Variants in DMD observed in about 807,000 individuals in gnomAD.
The protein encoded by DMD is dystrophin, also known as mutant dystrophin.
Under a neutral mutation model 330.1 loss-of-function variants are expected in DMD, and 63 were observed. The ratio of observed to expected loss-of-function variants is 0.19; its 90% CI spans 0.16 to 0.24. The LOEUF is 0.24. Among genes scored for constraint, DMD ranks in the 10% least tolerant of loss-of-function variants. The pLI, the probability that DMD is intolerant of heterozygous loss-of-function variation, is 1.00. For synonymous variants in DMD, 1,223 were observed against 959.8 expected (o/e 1.27, Z -5.07); for missense variants, 3,344 against 2,684.1 (o/e 1.25, Z -5.43).
At chrX:32,372,892 T>C (rs989957988) in intron 34 of DMD, among the ~76,000 whole-genome samples, 3 of 111,244 alleles carry the variant, frequency 2.7e-5, no homozygotes, top group Non-Finnish European at 5.7e-5. Context: ...ACTTTTAAAA[T>C]ATATTCTTTT....
intron 45 of DMD, among the ~76,000 whole-genome samples, chrX:31,944,656 T>C (rs1302609690): frequency 9.8e-6 from 1 of 101,716 alleles, no homozygotes; most frequent in Non-Finnish European, 2.0e-5. Context: ...TGTTTTGTTT[T>C]GTTCTGCTTT....
chrX:32,669,458 T>C (rs2061502594), intron 9 of DMD, among the ~76,000 whole-genome samples: 2 of 111,949 alleles, frequency 1.8e-5, no homozygotes, highest in African/African-American at 6.5e-5. Context: ...TCCCTACAGA[T>C]AGATAGATCG....
chrX:32,566,747 T>C (rs1228933186), intron 15 of DMD, among the ~76,000 whole-genome samples: 1 of 111,946 alleles, frequency 8.9e-6, no homozygotes, highest in Non-Finnish European at 1.9e-5. Flanking sequence ...AGGGCAGTTT[T>C]TCTTTTACTT....
At chrX:31,243,207 A>G (rs1429682771) in intron 63 of DMD, among the ~76,000 whole-genome samples, 3 of 112,319 alleles carry the variant, frequency 2.7e-5, no homozygotes, top group African/African-American at 9.7e-5. Context: ...AGAGGCAGGA[A>G]GCAATCTTCC....
At chrX:32,316,810 T>A (rs2097584069) in intron 41 of DMD, among the ~76,000 whole-genome samples, 1 of 111,213 alleles carries the variant, frequency 9.0e-6, no homozygotes, top group Non-Finnish European at 1.9e-5. Context: ...TCTAGTTTGC[T>A]ATCTATTCCT....
At chrX:31,227,912 G>C (rs1436102283) in intron 63 of DMD, among the ~76,000 whole-genome samples, 1 of 109,802 alleles carries the variant, frequency 9.1e-6, no homozygotes, top group Non-Finnish European at 1.9e-5. Flanking sequence ...ATACACCATG[G>C]AATACTATGC....
intron 7 of DMD, among the ~76,000 whole-genome samples, chrX:32,738,168 G>C (rs1047309191): frequency 7.2e-5 from 8 of 111,747 alleles, no homozygotes; most frequent in Admixed American, 3.8e-4. Context: ...TTAGAAGTTT[G>C]AACATTTTCT....
intron 2 of DMD, among the ~76,000 whole-genome samples, chrX:32,882,516 C>G (rs2084056225): frequency 8.9e-6 from 1 of 111,947 alleles, no homozygotes; most frequent in Admixed American, 9.5e-5. Context: ...AGGATGATTT[C>G]TCATTCTTCC....
intron 2 of DMD, among the ~76,000 whole-genome samples, chrX:32,998,614 TAC>T (rs72160681): frequency 0.39 from 39,696 of 101,999 alleles, 6,088 homozygotes; most frequent in East Asian, 0.59. Context: ...TATATATATA[TAC>T]ACACACACAC....
intron 44 of DMD, among the ~76,000 whole-genome samples, chrX:32,137,069 G>A (rs1569546287): frequency 1.8e-5 from 2 of 112,290 alleles, no homozygotes; most frequent in Non-Finnish European, 3.8e-5. Context: ...TATCAGCACA[G>A]ATAACATAAA....
chrX:32,770,596 A>C (rs1319853010), intron 7 of DMD, among the ~76,000 whole-genome samples: 3 of 111,630 alleles, frequency 2.7e-5, no homozygotes, highest in Non-Finnish European at 5.6e-5. Flanking sequence ...GAGTTGCATA[A>C]AATTATATAC....
intron 18 of DMD, among the ~76,000 whole-genome samples, chrX:32,514,573 C>G (rs981338063): frequency 1.8e-5 from 2 of 111,664 alleles, no homozygotes; most frequent in African/African-American, 6.5e-5. Context: ...AACCCCGTCT[C>G]TACTAAAAAT....
intron 60 of DMD, among the ~76,000 whole-genome samples, chrX:31,420,374 C>A (rs1255902089): frequency 8.9e-6 from 1 of 111,825 alleles, no homozygotes; most frequent in Non-Finnish European, 1.9e-5. Flanking sequence ...AAACATAGAA[C>A]CAGAATCCAA....
At chrX:32,502,875 A>C (rs2044200001) in intron 18 of DMD, among the ~76,000 whole-genome samples, 1 of 111,655 alleles carries the variant, frequency 9.0e-6, no homozygotes, top group Admixed American at 9.5e-5. Context: ...GTTGAGTATA[A>C]ATTTGTGCAG....
intron 60 of DMD, among the ~76,000 whole-genome samples, chrX:31,434,303 A>C (rs1260444432): frequency 9.1e-6 from 1 of 110,434 alleles, no homozygotes; most frequent in Non-Finnish European, 1.9e-5. Context: ...GATATAGATG[A>C]ATAGAAGAGT....
chrX:32,670,620 AC>A (rs1417045578), intron 9 of DMD, among the ~76,000 whole-genome samples: 1 of 112,020 alleles, frequency 8.9e-6, no homozygotes, highest in Non-Finnish European at 1.9e-5. Flanking sequence ...AAAACAGTCA[AC>A]AGTGATAACA....
At chrX:31,716,848 CACACACACAT>C (rs1293531780) in intron 52 of DMD, among the ~76,000 whole-genome samples, 19 of 97,685 alleles carry the variant, frequency 1.9e-4, no homozygotes, top group Admixed American at 3.5e-4. Flanking sequence ...CACACACACA[CACACACACAT>C]ATATATATAT....
At chrX:32,398,274 C>CA (rs201159504) in intron 30 of DMD, among the ~76,000 whole-genome samples, 357 of 94,425 alleles carry the variant, frequency 3.8e-3, no homozygotes, top group Non-Finnish European at 5.9e-3. Flanking sequence ...CCCCCCCCCC[C>CA]AAGTAGAGTT....
At chrX:31,319,897 A>G (rs2056298220) in intron 62 of DMD, among the ~76,000 whole-genome samples, 1 of 112,527 alleles carries the variant, frequency 8.9e-6, no homozygotes, top group African/African-American at 3.2e-5. Context: ...GGTGAAAGAA[A>G]TCCTAACAGA....
Sources: gnomAD v4.1 joint callset for allele counts (sites outside exome capture counted in the v4.1 genomes callset) on GRCh38, gnomAD v4.1.1 for gene constraint, MANE v1.5 for transcripts, NCBI Gene and HGNC (gene_info 2026-07-23, HGNC 2026-07-21) for gene names.